FHIT: variants seen among roughly 807,000 people sequenced by gnomAD.
The protein encoded by FHIT is bis(5'-adenosyl)-triphosphatase.
FHIT carries 19 observed loss-of-function variants against 17.9 expected under a neutral mutation model. That is an observed-to-expected ratio of 1.06 (90% CI 0.74 to 1.56). The LOEUF (loss-of-function observed/expected upper bound fraction) is 1.56. FHIT is among the 40% of genes most tolerant of loss of function. The pLI is 0.00. For missense variants in FHIT, 248 were observed against 189.2 expected (o/e 1.31, Z -1.82); for synonymous variants, 81 against 69.7 (o/e 1.16, Z -0.81).
intron 5 of FHIT, among the ~76,000 whole-genome samples, chr3:60,198,094 C>T (rs1023133498): frequency 6.6e-6 from 1 of 150,886 alleles, no homozygotes; most frequent in Non-Finnish European, 1.5e-5. Flanking sequence ...GATTGAGGAA[C>T]GTTTGGATGA....
chr3:59,938,952 G>A (rs1706375061), intron 7 of FHIT, among the ~76,000 whole-genome samples: 2 of 152,164 alleles, frequency 1.3e-5, no homozygotes, highest in Admixed American at 1.3e-4. Flanking sequence ...AGCACCCAGA[G>A]AGCTGCATAT....
chr3:60,385,221 C>A (rs183664121), intron 5 of FHIT, among the ~76,000 whole-genome samples: 187 of 152,268 alleles, frequency 1.2e-3, no homozygotes, highest in Admixed American at 2.1e-3. Flanking sequence ...TACAAGGCAG[C>A]AGTAAATGTT....
intron 5 of FHIT, among the ~76,000 whole-genome samples, chr3:60,499,330 G>T (rs769223870): frequency 6.6e-6 from 1 of 152,048 alleles, no homozygotes; most frequent in Non-Finnish European, 1.5e-5. Context: ...TCCTTAGAAG[G>T]CCTTATTAAT....
intron 2 of FHIT, among the ~76,000 whole-genome samples, chr3:61,142,264 G>A (rs1488023139): frequency 1.3e-5 from 2 of 151,288 alleles, no homozygotes; most frequent in African/African-American, 2.4e-5. Flanking sequence ...TTTTCTCCCA[G>A]GGACTAAAAC....
At chr3:60,126,550 G>A (rs1307795235) in intron 5 of FHIT, among the ~76,000 whole-genome samples, 1 of 152,136 alleles carries the variant, frequency 6.6e-6, no homozygotes, top group Non-Finnish European at 1.5e-5. Context: ...TATACCTGAG[G>A]TTGCTATCAT....
intron 2 of FHIT, among the ~76,000 whole-genome samples, chr3:61,111,133 G>A (rs1164859445): frequency 6.6e-6 from 1 of 152,100 alleles, no homozygotes. Context: ...TTCCTCATTG[G>A]AACTGATAGC....
At chr3:59,773,639 C>A (rs1702170864) in intron 8 of FHIT, among the ~76,000 whole-genome samples, 1 of 152,034 alleles carries the variant, frequency 6.6e-6, no homozygotes, top group South Asian at 2.1e-4. Context: ...TGCCTGGCAT[C>A]TCCTGTGCCA....
At chr3:60,911,626 A>G (rs1452952385) in intron 3 of FHIT, among the ~76,000 whole-genome samples, 1 of 152,200 alleles carries the variant, frequency 6.6e-6, no homozygotes, top group Non-Finnish European at 1.5e-5. Flanking sequence ...TTAACCTTCA[A>G]GAGAACACAG....
chr3:60,048,254 G>A (rs562577705), intron 5 of FHIT, among the ~76,000 whole-genome samples: 7 of 152,220 alleles, frequency 4.6e-5, no homozygotes, highest in South Asian at 2.1e-4. Flanking sequence ...TCAGATCACT[G>A]CACCTTCTGC....
intron 5 of FHIT, among the ~76,000 whole-genome samples, chr3:60,386,299 T>A (rs2687168): frequency 0.56 from 84,612 of 151,450 alleles, 24,313 homozygotes; most frequent in Non-Finnish European, 0.65. Context: ...GCAACCACCA[T>A]CTGTGAGCTG....
chr3:60,090,702 GTC>G lies in FHIT; in HGVS notation c.104-76552_104-76551del, dbSNP rs1576076764. Among the ~76,000 whole-genome samples, 5 of 152,150 alleles carry G rather than the reference GTC, an allele frequency of 3.3e-5. No individual in the cohort carries two copies. The South Asian group carries it at 8.3e-4, about 25-fold the overall frequency. The stretch of plus-strand genomic sequence containing the variant: ...TGAATAGTTGAGAACTGACATGAGT[GTC>G]TTTGATGGGCTGCTTTGATGCTTGG... On this transcript the variant is annotated intron_variant, in intron 5 of 9. Coordinates refer to ENST00000492590, the MANE Select transcript of FHIT (RefSeq NM_002012.4).
chr3:60,112,991 T>A (rs919343360), intron 5 of FHIT, among the ~76,000 whole-genome samples: 1 of 152,194 alleles, frequency 6.6e-6, no homozygotes, highest in Non-Finnish European at 1.5e-5. Flanking sequence ...CTGTTGAGTG[T>A]CAACCACAGT....
chr3:61,226,588 A>G (rs2039975681), intron 1 of FHIT, among the ~76,000 whole-genome samples: 1 of 152,116 alleles, frequency 6.6e-6, no homozygotes, highest in South Asian at 2.1e-4. Flanking sequence ...CTAGAGAAGA[A>G]GTGGGTCAAA....
chr3:60,457,339 C>T (rs1314979274), intron 5 of FHIT, among the ~76,000 whole-genome samples: 4 of 152,072 alleles, frequency 2.6e-5, no homozygotes, highest in Non-Finnish European at 5.9e-5. Context: ...GAAAGGATTC[C>T]CTATTTAATA....
At chr3:60,957,221 TTTTC>T (rs1553779201) in intron 3 of FHIT, among the ~76,000 whole-genome samples, 2 of 148,284 alleles carry the variant, frequency 1.3e-5, no homozygotes, top group African/African-American at 2.5e-5. Context: ...CATCTTCTTC[TTTTC>T]TTTCTTTCTT....
rs1700129806 is a variant in FHIT, at chr3:60,011,341, T to C, written c.279+30A>G. 7 of 1,609,404 alleles carry C rather than the reference T, an allele frequency of 4.3e-6. No individual in the cohort carries two copies. The South Asian group carries it at 4.4e-5, about 10-fold the overall frequency. On this transcript the variant is annotated intron_variant, in intron 7 of 9. Coordinates refer to ENST00000492590, the MANE Select transcript of FHIT (RefSeq NM_002012.4). ...TATTAGTTCTCATAATCGCCTCTTA[T>C]TAATTTGTATGCACATAATAAGCAC...
chr3:59,927,969 T>C (rs1024088406), intron 7 of FHIT, among the ~76,000 whole-genome samples: 3 of 152,214 alleles, frequency 2.0e-5, no homozygotes, highest in African/African-American at 4.8e-5. Context: ...TGTGGTTGTA[T>C]CGATATCCTT....
At chr3:59,805,908 G>A (rs952806642) in intron 8 of FHIT, among the ~76,000 whole-genome samples, 4 of 152,080 alleles carry the variant, frequency 2.6e-5, no homozygotes, top group South Asian at 2.1e-4. Context: ...GAAGCTGGGC[G>A]CGGTGGCTCA....
chr3:60,620,295 G>C (rs2039083823), intron 4 of FHIT, among the ~76,000 whole-genome samples: 1 of 152,114 alleles, frequency 6.6e-6, no homozygotes, highest in Non-Finnish European at 1.5e-5. Context: ...ATAATCCTTG[G>C]TATTTACCCA....
Sources: allele counts gnomAD v4.1 joint callset (sites outside exome capture counted in the v4.1 genomes callset), GRCh38; gene constraint gnomAD v4.1.1; transcripts MANE v1.5; gene names NCBI Gene and HGNC (gene_info 2026-07-23, HGNC 2026-07-21).